The following LCMT1 variants were observed in gnomAD, a reference collection of about 807,000 sequenced individuals.
The protein encoded by LCMT1 is leucine carboxyl methyltransferase 1.
Under a neutral mutation model 47.7 loss-of-function variants are expected in LCMT1, and 32 were observed. The observed-to-expected ratio is 0.67, with a 90% CI of 0.51 to 0.90. LCMT1 has a LOEUF of 0.90. Among genes scored for constraint, LCMT1 ranks in the 40% least tolerant of loss-of-function variants. The pLI is 0.00. For missense variants in LCMT1, 375 were observed against 415.2 expected (o/e 0.90, Z 0.84); for synonymous variants, 152 against 149.7 (o/e 1.02, Z -0.11).
chr16:25,174,904 A>T, intron 9 of LCMT1, 33 bp from the exon 10 acceptor site: 1 of 1,172,240 alleles, frequency 8.5e-7, no homozygotes. Context: ...CAATGCAGAC[A>T]CTTGCATCGT....
chr16:25,157,309 AGAGGCAGGAG>A (rs1961289188), intron 5 of LCMT1, among the ~76,000 whole-genome samples: 2 of 152,072 alleles, frequency 1.3e-5, no homozygotes, highest in African/African-American at 4.8e-5. Flanking sequence ...TCTGGGAGGC[AGAGGCAGGAG>A]GATCCCTTGA....
intron 4 of LCMT1, chr16:25,148,921 G>C (rs1254911988): frequency 6.6e-6 from 1 of 152,280 alleles, no homozygotes; most frequent in Non-Finnish European, 1.5e-5. Context: ...ACGGGGAGAC[G>C]GCAGAGACTC....
At chr16:25,142,447 G>A (rs891134079) in intron 4 of LCMT1, 11 of 152,228 alleles carry the variant, frequency 7.2e-5, no homozygotes, top group Admixed American at 5.9e-4. Flanking sequence ...GGTTATTTTA[G>A]GTTTCCATAC....
At chr16:25,173,181 C>G (rs1435804853) in intron 9 of LCMT1, among the ~76,000 whole-genome samples, 2 of 152,112 alleles carry the variant, frequency 1.3e-5, no homozygotes, top group African/African-American at 4.8e-5. Flanking sequence ...TGCTGTGTGC[C>G]CGGCACTTTT....
intron 3 of LCMT1, among the ~76,000 whole-genome samples, chr16:25,137,178 G>A (rs1286013814): frequency 6.6e-6 from 1 of 152,084 alleles, no homozygotes; most frequent in Non-Finnish European, 1.5e-5. Context: ...GGGATTACAG[G>A]CACCTACCAC....
chr16:25,170,012 G>C (rs1961707378), intron 8 of LCMT1, among the ~76,000 whole-genome samples: 1 of 152,084 alleles, frequency 6.6e-6, no homozygotes, highest in Non-Finnish European at 1.5e-5. Context: ...CTGAGTTCAG[G>C]AGTTCGACAC....
In LCMT1 at chr16:25,170,090, C is replaced by T. The variant is rs1487540589; in HGVS notation, c.793-624C>T. 2.6e-5 allele frequency among the ~76,000 whole-genome samples: 4 copies of T among 152,156 alleles called. No individual in the cohort carries two copies. In the South Asian group the frequency reaches 8.3e-4, roughly 32 times the overall value. The stretch of plus-strand genomic sequence containing the variant: ...CAAAAATTAGCCGGGTGTGGTGGTG[C>T]ACACCTGTAATCCCAGCTACTTGGG... On this transcript the variant is annotated intron_variant, in intron 8 of 10. Coordinates refer to ENST00000399069, the MANE Select transcript of LCMT1 (RefSeq NM_016309.3).
intron 3 of LCMT1, among the ~76,000 whole-genome samples, chr16:25,134,231 G>A (rs1244093639): frequency 6.6e-6 from 1 of 152,126 alleles, no homozygotes. Flanking sequence ...AAGGTCTTTG[G>A]TCATCAGAGC....
At position 25,132,363 on chromosome 16, in the gene LCMT1, T is replaced by C. The variant is rs1002539002; in HGVS notation, c.206-39T>C. 36 of 1,610,626 alleles carry C rather than the reference T, an allele frequency of 2.2e-5. 1 individual carries two copies. Among genetic ancestry groups the C allele is most frequent in the Non-Finnish European group, 3.0e-5 (35 of 1,178,806 alleles). On this transcript the variant is annotated intron_variant, in intron 2 of 10. Transcript: ENST00000399069. ...TCACAGGGATAATTTCTGTCATCACTGGGTGATAGCTTGTTTCTGTGCCTC... is the reference window on the plus strand; with the variant it reads ...TCACAGGGATAATTTCTGTCATCACCGGGTGATAGCTTGTTTCTGTGCCTC...
chr16:25,117,120 A>G (rs1959816196), intron 1 of LCMT1, among the ~76,000 whole-genome samples: 1 of 152,088 alleles, frequency 6.6e-6, no homozygotes, highest in Admixed American at 6.5e-5. Flanking sequence ...AACTGATATG[A>G]TCTTGGTTTG....
At chr16:25,143,337 C>T (rs567022484) in intron 4 of LCMT1, 11 of 152,182 alleles carry the variant, frequency 7.2e-5, no homozygotes, top group African/African-American at 2.4e-4. Flanking sequence ...TGGCTAGAGT[C>T]GTCTCAAGTG....
rs200673006 is a variant in LCMT1 at position 25,169,099 on chromosome 16, C to T, written c.691-13C>T. 1.6e-5 allele frequency: 26 copies of T among 1,583,820 alleles called. No homozygotes were observed. Among genetic ancestry groups the T allele is most frequent in the African/African-American group, 2.7e-5 (2 of 74,324 alleles). On this transcript the variant is annotated splice_polypyrimidine_tract_variant and intron_variant, in intron 7 of 10. Transcript: ENST00000399069. ...CCCTTAGAGTAATATCTTACCTTCT[C>T]TTTCCCTCCTAGGTGAACATGGGTG...
At chr16:25,171,051 C>G (rs749384995) in intron 9 of LCMT1, among the ~76,000 whole-genome samples, 2 of 152,142 alleles carry the variant, frequency 1.3e-5, no homozygotes, top group Admixed American at 6.6e-5. Flanking sequence ...GCCTGGCCAA[C>G]ATGGTGAAAC....
At chr16:25,112,836 G>C (rs1959664881) in intron 1 of LCMT1, among the ~76,000 whole-genome samples, 2 of 152,040 alleles carry the variant, frequency 1.3e-5, no homozygotes, top group African/African-American at 2.4e-5. Flanking sequence ...TTGTAATTTT[G>C]TCAGTGATGT....
chr16:25,140,528 T>G (rs568982260), intron 4 of LCMT1: 21 of 422,360 alleles, frequency 5.0e-5, no homozygotes, highest in East Asian at 2.8e-4. Flanking sequence ...TTTTTGTTTT[T>G]GGGGCTTGTA....
chr16:25,147,584 G>A (rs1381521900), intron 4 of LCMT1: 5 of 152,154 alleles, frequency 3.3e-5, no homozygotes, highest in Non-Finnish European at 4.4e-5. Flanking sequence ...CGGTAAGATA[G>A]TGTTAAAACT....
At position 25,150,847 on chromosome 16, in the gene LCMT1, CT is replaced by C. The variant is rs1961057022; in HGVS notation, c.405-704del. Among the ~76,000 whole-genome samples the C allele has an allele frequency of 7.9e-5, 12 of 152,042 alleles. No homozygotes were observed. The South Asian group carries it at 2.5e-3, about 32-fold the overall frequency. ...AGATCCATGAAAATAATGGATCACC[CT>C]TTCCTGATATATTTAATTTTATATT... is the stretch of plus-strand genomic sequence containing the variant. On this transcript the variant is annotated intron_variant, in intron 4 of 10. Transcript: ENST00000399069.
chr16:25,137,556 T>C (rs1297733424), intron 3 of LCMT1, among the ~76,000 whole-genome samples: 1 of 152,094 alleles, frequency 6.6e-6, no homozygotes, highest in East Asian at 1.9e-4. Flanking sequence ...GCCATCTTCC[T>C]AACTCAGCCT....
At chr16:25,166,124 G>A (rs1023116732) in intron 7 of LCMT1, among the ~76,000 whole-genome samples, 6 of 151,864 alleles carry the variant, frequency 4.0e-5, no homozygotes, top group Non-Finnish European at 8.8e-5. Context: ...ACAAAAATTA[G>A]CCAGGCATGG....
Sources: gnomAD v4.1 joint callset for allele counts (sites outside exome capture counted in the v4.1 genomes callset) on GRCh38, gnomAD v4.1.1 for gene constraint, MANE v1.5 for transcripts, NCBI Gene and HGNC (gene_info 2026-07-23, HGNC 2026-07-21) for gene names.